The following DENND2C variants were observed in gnomAD, a reference collection of about 807,000 sequenced individuals.
DENND2C encodes the protein DENN domain-containing protein 2C.
In DENND2C, 72 loss-of-function variants were observed where a neutral mutation model predicts 112.4. That is an observed-to-expected ratio of 0.64 (90% CI 0.53 to 0.78). DENND2C has a LOEUF of 0.78. Among genes scored for constraint, DENND2C ranks in the 30% least tolerant of loss-of-function variants. The probability of loss-of-function intolerance (pLI) is 0.00; values close to 1 mark genes in which losing one functional copy is unlikely to be tolerated. For missense variants in DENND2C, 992 were observed against 1,113.8 expected (o/e 0.89, Z 1.56); for synonymous variants, 329 against 381.6 (o/e 0.86, Z 1.61).
At chr1:114,605,936 G>C (rs1421501765) in intron 10 of DENND2C, among the ~76,000 whole-genome samples, 1 of 152,076 alleles carries the variant, frequency 6.6e-6, no homozygotes, top group Admixed American at 6.5e-5. Flanking sequence ...CATAAATCTG[G>C]TACTGTACTT....
At chr1:114,589,974 G>T (rs964307400) in intron 18 of DENND2C, among the ~76,000 whole-genome samples, 1 of 152,100 alleles carries the variant, frequency 6.6e-6, no homozygotes, top group Non-Finnish European at 1.5e-5. Flanking sequence ...CTGCATTATA[G>T]TTTCACTATA....
At chr1:114,589,402 A>G (rs886418234) in intron 18 of DENND2C, among the ~76,000 whole-genome samples, 5 of 152,138 alleles carry the variant, frequency 3.3e-5, no homozygotes, top group African/African-American at 1.2e-4. Context: ...GTGATTTCCA[A>G]GGTCTCTTTC....
chr1:114,647,715 C>T (rs2101686464), intron 2 of DENND2C, among the ~76,000 whole-genome samples: 1 of 152,150 alleles, frequency 6.6e-6, no homozygotes, highest in Non-Finnish European at 1.5e-5. Flanking sequence ...GCCACTACGC[C>T]TGACCTGTAT....
At chr1:114,619,392 T>C (rs1432081547) in intron 7 of DENND2C, among the ~76,000 whole-genome samples, 3 of 152,224 alleles carry the variant, frequency 2.0e-5, no homozygotes, top group Non-Finnish European at 4.4e-5. Context: ...AGGAACATTA[T>C]ATATGATAAC....
At chr1:114,617,161 G>A (rs1423649461) in intron 8 of DENND2C, among the ~76,000 whole-genome samples, 2 of 152,016 alleles carry the variant, frequency 1.3e-5, no homozygotes, top group Non-Finnish European at 2.9e-5. Context: ...TTGAGATTTG[G>A]GTGGGGACAC....
intron 7 of DENND2C, among the ~76,000 whole-genome samples, chr1:114,620,742 AAGAG>A (rs879796656): frequency 1.3e-4 from 19 of 151,988 alleles, no homozygotes; most frequent in Admixed American, 3.3e-4. Context: ...TTTTTTCACT[AAGAG>A]AGATCAGTTT....
chr1:114,639,002 A>T (rs1192468036), intron 3 of DENND2C, among the ~76,000 whole-genome samples: 1 of 152,152 alleles, frequency 6.6e-6, no homozygotes, highest in African/African-American at 2.4e-5. Flanking sequence ...GTCAAACAAC[A>T]CAACTAAAAT....
intron 2 of DENND2C, among the ~76,000 whole-genome samples, chr1:114,652,429 T>TG (rs1000948276): frequency 1.3e-5 from 2 of 151,502 alleles, no homozygotes; most frequent in African/African-American, 4.9e-5. Flanking sequence ...AAATGGGGGG[T>TG]GGGCAGGCTA....
At chr1:114,632,819 T>C (rs1311183528) in intron 3 of DENND2C, among the ~76,000 whole-genome samples, 1 of 152,202 alleles carries the variant, frequency 6.6e-6, no homozygotes, top group Non-Finnish European at 1.5e-5. Flanking sequence ...TTATCTGTAT[T>C]TAGTGCCCAT....
At position 114,647,441 on chromosome 1, in the gene DENND2C, G is replaced by A. The variant is rs188695243; in HGVS notation, c.-316-1882C>T. 4.4e-3 allele frequency among the ~76,000 whole-genome samples: 665 copies of A among 151,638 alleles called. 6 individuals are homozygous for A. Among genetic ancestry groups the A allele is most frequent in the Middle Eastern group, 0.017 (5 of 292 alleles). ...CGACTCCCTGCAACCTCTGCCTCTC[G>A]GGTTCAATAATCCACTATTGTACAA... On this transcript the variant is annotated intron_variant, in intron 2 of 20. Transcript: ENST00000393274.
chr1:114,596,609 A>C (rs966129949), intron 16 of DENND2C, among the ~76,000 whole-genome samples: 11 of 152,148 alleles, frequency 7.2e-5, no homozygotes, highest in Non-Finnish European at 1.5e-4. Context: ...ATATCCTTCA[A>C]AATATTATGG....
chr1:114,636,380 CA>C (rs1458318226), intron 3 of DENND2C, among the ~76,000 whole-genome samples: 2 of 152,084 alleles, frequency 1.3e-5, no homozygotes, highest in Middle Eastern at 3.2e-3. Flanking sequence ...AAGAAGTTTA[CA>C]AAGGCCAGGT....
rs749048267 is a variant in DENND2C, at chr1:114,608,763, A to G, written c.1480T>C (p.Phe494Leu). ...TTCTTCTGTAGAGACACCACCACAA[A>G]AAGTTCAAACAGCTGCTGCTCCTGT... Reference protein sequence around the residue: ...ELQEQQLFELFVVVSLQKKPS... With the variant: ...ELQEQQLFELLVVVSLQKKPS... Residue 494 changes from phenylalanine to leucine, a missense_variant, in exon 10 of 21, where the codon TTT (phenylalanine) becomes CTT (leucine). Phe to Leu is a conservative substitution (Grantham distance 22). Around this residue, in one of 3 missense-constraint regions of DENND2C, gnomAD observed 516 missense variants for 623.6 expected, o/e 0.83. Coordinates refer to ENST00000393274, the MANE Select transcript of DENND2C (RefSeq NM_001256404.2). The G allele has an allele frequency of 6.2e-7, 1 of 1,614,118 alleles. No homozygotes were observed. Among genetic ancestry groups the G allele is most frequent in the African/African-American group, 1.3e-5 (1 of 74,942 alleles).
Position 114,587,927 on chromosome 1 carries a change from G to C in DENND2C, c.2457C>G (p.Ser819=), listed in dbSNP as rs750264272. ...SQDVTLNSLV[S]EAFVRFFVEL... is the part of the protein sequence containing the mutation. The stretch of plus-strand genomic sequence containing the variant: ...CCACAAAAAACCTGACAAATGCTTC[G>C]GACACCAGAGAGTTGAGTGTCACAT... Residue 819 remains serine (S), a synonymous_variant, in exon 19 of 21, where the codon TCC becomes TCG. Transcript: ENST00000393274. 1.9e-6 allele frequency: 3 copies of C among 1,613,774 alleles called. No homozygotes were observed. Among genetic ancestry groups the C allele is most frequent in the Non-Finnish European group, 2.5e-6 (3 of 1,179,992 alleles).
chr1:114,611,046 C>T (rs372816174), intron 9 of DENND2C, 27 bp downstream of exon 9: 12 of 1,613,828 alleles, frequency 7.4e-6, no homozygotes, highest in African/African-American at 2.7e-5. Context: ...ATCACAACAA[C>T]GGGAGCAGCC....
chr1:114,617,670 C>A (rs1378173467), intron 8 of DENND2C, among the ~76,000 whole-genome samples: 7 of 146,344 alleles, frequency 4.8e-5, no homozygotes, highest in Non-Finnish European at 7.6e-5. Context: ...AAAAAAAAAA[C>A]CAGATAAATC....
At chr1:114,588,971 A>G (rs574397052) in intron 18 of DENND2C, among the ~76,000 whole-genome samples, 1 of 152,340 alleles carries the variant, frequency 6.6e-6, no homozygotes, top group South Asian at 2.1e-4. Flanking sequence ...GTTGTACTGT[A>G]TTAAGTGCTT....
chr1:114,597,998 G>C (rs1199106143), intron 16 of DENND2C, among the ~76,000 whole-genome samples: 1 of 152,162 alleles, frequency 6.6e-6, no homozygotes, highest in East Asian at 1.9e-4. Context: ...TGAAGACGTG[G>C]AGCAACAGGA....
chr1:114,625,438 T>TATCC lies in DENND2C; in HGVS notation c.543_546dup (p.Ser183GlyfsTer2). ...AAGCTCTTGGTTATTCCGTATGAAC[T>TATCC]ATCCAGAACTCTGAAGTTCAGTTCT... On this transcript the variant is annotated frameshift_variant, in exon 4 of 21. Transcript: ENST00000393274. LOFTEE classifies it high-confidence loss of function. 1 of 1,614,188 alleles carries TATCC rather than the reference T, an allele frequency of 6.2e-7. No homozygotes were observed.
Sources: allele counts gnomAD v4.1 joint callset (sites outside exome capture counted in the v4.1 genomes callset), GRCh38; gene constraint gnomAD v4.1.1; regional missense constraint gnomAD v4.1.1; transcripts MANE v1.5; gene names NCBI Gene and HGNC (gene_info 2026-07-23, HGNC 2026-07-21).